CLCN3: variants seen among roughly 807,000 people sequenced by gnomAD.
CLCN3 encodes the protein H(+)/Cl(-) exchange transporter 3.
Under a neutral mutation model 83.4 loss-of-function variants are expected in CLCN3, and 16 were observed. That is an observed-to-expected ratio of 0.19 (90% confidence interval 0.13 to 0.29). The LOEUF (loss-of-function observed/expected upper bound fraction) is 0.29. Ranked by LOEUF, CLCN3 falls within the 10% of genes least tolerant of loss-of-function variation. The probability of loss-of-function intolerance (pLI) is 1.00; values close to 1 mark genes in which losing one functional copy is unlikely to be tolerated. For missense variants in CLCN3, 544 were observed against 1,006.0 expected, an observed-to-expected ratio of 0.54 and a Z score of 6.21; for synonymous variants, 322 against 346.2, an observed-to-expected ratio of 0.93 and a Z score of 0.78.
chr4:169,700,731 A>C (rs1732753616), intron 9 of CLCN3, among the ~76,000 whole-genome samples: 1 of 152,232 alleles, frequency 6.6e-6, no homozygotes, highest in African/African-American at 2.4e-5. Flanking sequence ...TGAATATCAT[A>C]ATAAAGCAAG....
intron 2 of CLCN3, among the ~76,000 whole-genome samples, chr4:169,677,199 C>G (rs2150235007): frequency 6.6e-6 from 1 of 151,810 alleles, no homozygotes; most frequent in South Asian, 2.1e-4. Context: ...TTTTAATTCT[C>G]TTTGTATCTG....
chr4:169,635,935 T>A lies in CLCN3; in HGVS notation c.7T>A (p.Ser3Thr), dbSNP rs750029741. 2.1e-5 allele frequency: 33 copies of A among 1,587,578 alleles called. No individual in the cohort carries two copies. The highest frequency in any genetic ancestry group is 1.7e-4 in the Middle Eastern group (1 of 5,968). ...CAGATAATCAGACAGCTAAATGGAG[T>A]CTGAGCAGCTGTTCCATAGAGGCTA... is the stretch of plus-strand genomic sequence containing the variant. ME[S>T]EQLFHRGYYR... The change falls in exon 2 of 13, where the codon TCT (serine) becomes ACT (threonine). Residue 3 changes from serine to threonine, a missense_variant. Ser to Thr is a moderately conservative substitution (Grantham distance 58). This residue lies in a region of CLCN3 where 77 missense variants were observed against 92.8 expected (regional missense o/e 0.83). Coordinates refer to ENST00000513761, the MANE Select transcript of CLCN3 (RefSeq NM_001829.4).
rs1320545515 is a variant in CLCN3, at chr4:169,721,658, T to C, written c.*1661T>C. On this transcript the variant is annotated 3_prime_UTR_variant, in exon 13 of 13. Transcript: ENST00000513761. ...CCATATTTGAAGTGGTCAGTGATGG[T>C]TTGAACATTTTTTGCAGGATGAGTG... The C allele has an allele frequency of 6.6e-6, 1 of 152,230 alleles. No homozygotes were observed. Among genetic ancestry groups the C allele is most frequent in the Non-Finnish European group, 1.5e-5 (1 of 68,042 alleles). The allele number at this position is 152,230 out of a possible 1,614,324, so 9.4% of individuals were successfully genotyped here. A position where few individuals can be genotyped will look rare whatever the true frequency, so the allele number is the denominator to read the frequency against.
At chr4:169,625,532 G>A (rs557603021) in intron 1 of CLCN3, among the ~76,000 whole-genome samples, 1 of 152,298 alleles carries the variant, frequency 6.6e-6, no homozygotes, top group East Asian at 1.9e-4. Flanking sequence ...TCAGGTCAGT[G>A]TAATGGAGGT....
At chr4:169,691,427 G>A (rs558317603) in intron 6 of CLCN3, among the ~76,000 whole-genome samples, 2 of 152,096 alleles carry the variant, frequency 1.3e-5, no homozygotes, top group African/African-American at 4.8e-5. Context: ...AATCACAGTG[G>A]GTCAACAGTA....
At chr4:169,670,786 T>G (rs1388040960) in intron 2 of CLCN3, among the ~76,000 whole-genome samples, 3 of 152,222 alleles carry the variant, frequency 2.0e-5, no homozygotes, top group Non-Finnish European at 2.9e-5. Context: ...CGTTTCTTAT[T>G]TCCTTGGGCA....
chr4:169,682,964 C>T (rs1030090814), intron 3 of CLCN3, among the ~76,000 whole-genome samples: 1 of 152,140 alleles, frequency 6.6e-6, no homozygotes, highest in Non-Finnish European at 1.5e-5. Context: ...CGGGGATCCT[C>T]CAAGGTGCCA....
intron 2 of CLCN3, chr4:169,663,709 A>G (rs1581220931): frequency 3.0e-6 from 1 of 335,632 alleles, no homozygotes; most frequent in East Asian, 1.2e-4. Context: ...AGGTACTGTT[A>G]TAATCCCCAT....
chr4:169,667,704 T>C lies in CLCN3; in HGVS notation c.161-12346T>C, dbSNP rs572487583. On this transcript the variant is annotated intron_variant, in intron 2 of 12. Coordinates refer to ENST00000513761, the MANE Select transcript of CLCN3 (RefSeq NM_001829.4). ...TTAAAAATACAGGATTTTTGCTCAA[T>C]ATACAGTTGTAGAAGAACTCATTGT... Among the ~76,000 whole-genome samples, 9 of 113,084 alleles carry C rather than the reference T, an allele frequency of 8.0e-5. No homozygotes were observed. In the East Asian group the frequency reaches 1.9e-3, roughly 23 times the overall value. The allele number at this position is 113,084 out of a possible 152,430, so 74.2% of individuals were successfully genotyped here.
chr4:169,714,552 T>A (rs1733352853), intron 12 of CLCN3, among the ~76,000 whole-genome samples: 1 of 152,142 alleles, frequency 6.6e-6, no homozygotes, highest in South Asian at 2.1e-4. Context: ...CAGACTGTCT[T>A]TCCTACTTTA....
At chr4:169,623,682 C>A (rs1479667533) in intron 1 of CLCN3, among the ~76,000 whole-genome samples, 1 of 152,106 alleles carries the variant, frequency 6.6e-6, no homozygotes, top group South Asian at 2.1e-4. Flanking sequence ...TTCTCCCTAG[C>A]CTTTGTAGAC....
intron 9 of CLCN3, among the ~76,000 whole-genome samples, chr4:169,701,318 G>A (rs1697192563): frequency 1.3e-5 from 2 of 152,060 alleles, no homozygotes; most frequent in Non-Finnish European, 1.5e-5. Flanking sequence ...TTTAGGCTAC[G>A]CTTATCATTC....
rs1320970498 is a variant in CLCN3 at position 169,723,042 on chromosome 4, G to T, written c.*3045G>T. The T allele has an allele frequency of 1.3e-5, 2 of 152,172 alleles. No individual in the cohort carries two copies. Among genetic ancestry groups the T allele is most frequent in the East Asian group, 3.8e-4 (2 of 5,196 alleles). 9.4% of individuals were successfully genotyped at this position (152,172 alleles called of 1,614,324 possible). A position where few individuals can be genotyped will look rare whatever the true frequency, so the allele number is the denominator to read the frequency against. Reference sequence around the variant, plus strand: ...ATTGTTTTCAGTTTTGGTTCACGAAGAATGCTTAGTTAATCTGTAATGTTG... The same window carrying T: ...ATTGTTTTCAGTTTTGGTTCACGAATAATGCTTAGTTAATCTGTAATGTTG... On this transcript the variant is annotated 3_prime_UTR_variant, in exon 13 of 13. Coordinates refer to ENST00000513761, the MANE Select transcript of CLCN3 (RefSeq NM_001829.4).
chr4:169,711,659 T>G (rs1260361142), intron 11 of CLCN3, among the ~76,000 whole-genome samples: 1 of 152,114 alleles, frequency 6.6e-6, no homozygotes, highest in African/African-American at 2.4e-5. Context: ...CTGATCATGC[T>G]TTTAAGGTGG....
At chr4:169,702,775 TAC>T in intron 9 of CLCN3, 1 of 103,218 alleles carries the variant, frequency 9.7e-6, no homozygotes, top group Non-Finnish European at 1.9e-5. Flanking sequence ...GACCCATCTC[TAC>T]AAAAAAAAAA....
At chr4:169,673,441 G>A (rs375189402) in intron 2 of CLCN3, among the ~76,000 whole-genome samples, 11 of 152,214 alleles carry the variant, frequency 7.2e-5, no homozygotes, top group East Asian at 3.9e-4. Context: ...TTCGTCATTC[G>A]TAAGTCTTTG....
chr4:169,688,990 G>A (rs540993763), intron 4 of CLCN3, 53 bp from the exon 5 acceptor site: 18 of 1,541,972 alleles, frequency 1.2e-5, no homozygotes, highest in Middle Eastern at 1.7e-4. Context: ...GATTGTTCTC[G>A]ACTCCCAAAA....
chr4:169,623,615 T>C (rs577014219), intron 1 of CLCN3, among the ~76,000 whole-genome samples: 1 of 152,282 alleles, frequency 6.6e-6, no homozygotes, highest in South Asian at 2.1e-4. Flanking sequence ...TAAAACTTAC[T>C]CCTCTAACTG....
chr4:169,638,045 T>G (rs1730280156), intron 2 of CLCN3, among the ~76,000 whole-genome samples: 1 of 152,204 alleles, frequency 6.6e-6, no homozygotes, highest in African/African-American at 2.4e-5. Context: ...TCTGTTTGCA[T>G]TTAACATAAT....
Sources: gnomAD v4.1 joint callset for allele counts (sites outside exome capture counted in the v4.1 genomes callset) on GRCh38, gnomAD v4.1.1 for gene constraint, gnomAD v4.1.1 regional missense constraint, MANE v1.5 for transcripts, NCBI Gene and HGNC (gene_info 2026-07-23, HGNC 2026-07-21) for gene names.